The following XKR6 variants were observed in gnomAD, a reference collection of about 807,000 sequenced individuals.
The protein encoded by XKR6 is XK-related protein 6.
In XKR6, 22 loss-of-function variants were observed where a neutral mutation model predicts 56.7. The ratio of observed to expected loss-of-function variants is 0.39; its 90% CI spans 0.28 to 0.55. XKR6 has a LOEUF of 0.55. XKR6 is among the 20% of genes least tolerant of loss of function. The pLI is 0.66. For missense variants in XKR6, 852 were observed against 889.0 expected, an observed-to-expected ratio of 0.96 and a Z score of 0.53; for synonymous variants, 524 against 387.8, an observed-to-expected ratio of 1.35 and a Z score of -4.13.
intron 1 of XKR6, among the ~76,000 whole-genome samples, chr8:11,152,248 C>T (rs1170092027): frequency 3.3e-5 from 5 of 152,200 alleles, no homozygotes; most frequent in Admixed American, 3.3e-4. Context: ...ACCCAAACTT[C>T]TCTGAAGTAT....
chr8:10,960,925 G>A (rs1364489590), intron 1 of XKR6, among the ~76,000 whole-genome samples: 1 of 152,190 alleles, frequency 6.6e-6, no homozygotes, highest in Non-Finnish European at 1.5e-5. Context: ...TAAGAGCCAT[G>A]AATGAAACAG....
intron 1 of XKR6, among the ~76,000 whole-genome samples, chr8:11,070,598 A>G (rs1184397495): frequency 6.6e-6 from 1 of 152,240 alleles, no homozygotes; most frequent in Non-Finnish European, 1.5e-5. Flanking sequence ...GTGCCTCACT[A>G]GTAGATCCCA....
At chr8:11,110,101 T>A (rs1014685676) in intron 1 of XKR6, among the ~76,000 whole-genome samples, 9 of 152,064 alleles carry the variant, frequency 5.9e-5, no homozygotes, top group Non-Finnish European at 1.3e-4. Context: ...GCCTCCTGAG[T>A]AGCTGGGATT....
At chr8:10,904,150 G>A (rs1051218162) in intron 2 of XKR6, among the ~76,000 whole-genome samples, 3 of 152,136 alleles carry the variant, frequency 2.0e-5, no homozygotes, top group Admixed American at 6.5e-5. Flanking sequence ...TGGCTGTGAC[G>A]AGCTCTGAGC....
At chr8:10,991,202 G>C (rs1270929166) in intron 1 of XKR6, among the ~76,000 whole-genome samples, 1 of 152,044 alleles carries the variant, frequency 6.6e-6, no homozygotes, top group Admixed American at 6.6e-5. Context: ...CCCCAGCTGG[G>C]AATGTCTTAC....
chr8:10,981,487 C>T (rs767775582), intron 1 of XKR6, among the ~76,000 whole-genome samples: 1 of 152,146 alleles, frequency 6.6e-6, no homozygotes, highest in Non-Finnish European at 1.5e-5. Flanking sequence ...CAGAAAGTTG[C>T]CAGATCTCTC....
chr8:11,148,732 C>G (rs1228304302), intron 1 of XKR6, among the ~76,000 whole-genome samples: 2 of 152,180 alleles, frequency 1.3e-5, no homozygotes, highest in Non-Finnish European at 2.9e-5. Context: ...CACAAATGTT[C>G]ACATCATGTT....
intron 1 of XKR6, among the ~76,000 whole-genome samples, chr8:11,170,980 A>C (rs1802338225): frequency 6.6e-6 from 1 of 152,250 alleles, no homozygotes; most frequent in Admixed American, 6.5e-5. Context: ...GACTACTCCA[A>C]CATCAGAATT....
intron 1 of XKR6, among the ~76,000 whole-genome samples, chr8:11,058,454 T>C (rs974893602): frequency 6.6e-6 from 1 of 152,192 alleles, no homozygotes; most frequent in African/African-American, 2.4e-5. Context: ...CCATCAGTGA[T>C]AGACTGGATA....
At chr8:10,962,260 G>T (rs866028410) in intron 1 of XKR6, among the ~76,000 whole-genome samples, 4 of 152,120 alleles carry the variant, frequency 2.6e-5, no homozygotes, top group African/African-American at 9.7e-5. Context: ...TACAATAGAG[G>T]TGCTATCAAG....
At chr8:11,033,605 T>G (rs1475544250) in intron 1 of XKR6, among the ~76,000 whole-genome samples, 2 of 152,148 alleles carry the variant, frequency 1.3e-5, no homozygotes, top group African/African-American at 4.8e-5. Context: ...CCTGCCCCAC[T>G]CATTATGGGC....
intron 1 of XKR6, among the ~76,000 whole-genome samples, chr8:11,072,826 G>A (rs1381438358): frequency 1.3e-5 from 2 of 151,564 alleles, no homozygotes; most frequent in Non-Finnish European, 2.9e-5. Context: ...AAGGCGGGTG[G>A]ATCACTTGAG....
intron 1 of XKR6, among the ~76,000 whole-genome samples, chr8:11,148,785 T>A (rs1298319147): frequency 1.3e-5 from 2 of 152,226 alleles, no homozygotes; most frequent in African/African-American, 2.4e-5. Flanking sequence ...AAGTATCCAT[T>A]AGCAGATGAA....
chr8:11,154,849 C>G (rs1401340439), intron 1 of XKR6, among the ~76,000 whole-genome samples: 2 of 152,198 alleles, frequency 1.3e-5, no homozygotes, highest in Non-Finnish European at 2.9e-5. Context: ...TTGACTGCCT[C>G]TACCCTCTTC....
chr8:10,948,375 G>C (rs566065933), intron 1 of XKR6, among the ~76,000 whole-genome samples: 2 of 152,324 alleles, frequency 1.3e-5, no homozygotes, highest in South Asian at 4.1e-4. Context: ...TGTGTGCTGA[G>C]ACTTAGGCTC....
intron 1 of XKR6, among the ~76,000 whole-genome samples, chr8:11,198,086 G>A (rs984369844): frequency 6.6e-6 from 1 of 152,082 alleles, no homozygotes; most frequent in Non-Finnish European, 1.5e-5. Flanking sequence ...ATATGTTTAA[G>A]GCAACAACTA....
intron 1 of XKR6, among the ~76,000 whole-genome samples, chr8:11,195,962 A>G (rs1305436761): frequency 6.6e-6 from 1 of 151,934 alleles, no homozygotes; most frequent in African/African-American, 2.4e-5. Context: ...TAAAATGAAA[A>G]AAAAAAAAAA....
chr8:11,056,283 C>G (rs1237727981), intron 1 of XKR6, among the ~76,000 whole-genome samples: 1 of 152,226 alleles, frequency 6.6e-6, no homozygotes, highest in Non-Finnish European at 1.5e-5. Context: ...CTGGGAAGCT[C>G]TTTATTTACA....
At chr8:10,970,583 T>A (rs976123334) in intron 1 of XKR6, among the ~76,000 whole-genome samples, 7 of 152,122 alleles carry the variant, frequency 4.6e-5, no homozygotes, top group Non-Finnish European at 1.0e-4. Flanking sequence ...CATTGAGATG[T>A]CTTCCTTTGC....
Sources: allele counts gnomAD v4.1 joint callset (sites outside exome capture counted in the v4.1 genomes callset), GRCh38; gene constraint gnomAD v4.1.1; transcripts MANE v1.5; gene names NCBI Gene and HGNC (gene_info 2026-07-23, HGNC 2026-07-21).